IL1RAPL1: variants seen among roughly 807,000 people sequenced by gnomAD.
IL1RAPL1 encodes interleukin 1 receptor accessory protein like 1.
A neutral mutation model predicts 48.4 loss-of-function variants in IL1RAPL1; 3 were observed. The ratio of observed to expected loss-of-function variants is 0.06; its 90% CI spans 0.03 to 0.16. The LOEUF is 0.16. Ranked by LOEUF, IL1RAPL1 falls within the 10% of genes least tolerant of loss-of-function variation. The pLI is 1.00. For synonymous variants in IL1RAPL1, 185 were observed against 187.7 expected (o/e 0.99, Z 0.12); for missense variants, 349 against 530.6 (o/e 0.66, Z 3.36).
chrX:29,190,341 G>A (rs920256743), intron 2 of IL1RAPL1, among the ~76,000 whole-genome samples: 2 of 111,706 alleles, frequency 1.8e-5, no homozygotes, highest in Non-Finnish European at 3.8e-5. Context: ...ATGGGTATAA[G>A]AAAGATTAAG....
intron 5 of IL1RAPL1, among the ~76,000 whole-genome samples, chrX:29,611,739 A>T (rs1411956801): frequency 9.0e-6 from 1 of 111,148 alleles, no homozygotes; most frequent in Non-Finnish European, 1.9e-5. Flanking sequence ...TCCAGGAAGA[A>T]TCAGGTCAGA....
At chrX:29,184,618 G>A (rs748299381) in intron 2 of IL1RAPL1, among the ~76,000 whole-genome samples, 2 of 110,563 alleles carry the variant, frequency 1.8e-5, no homozygotes, top group Admixed American at 9.6e-5. Flanking sequence ...CTCCTGCCTC[G>A]GACTCCTGAG....
intron 6 of IL1RAPL1, among the ~76,000 whole-genome samples, chrX:29,723,381 T>C (rs996373276): frequency 1.4e-4 from 16 of 111,952 alleles, no homozygotes; most frequent in African/African-American, 4.9e-4. Flanking sequence ...CCCAAGTAGC[T>C]GGGATTACAG....
chrX:29,014,873 T>C (rs1926205274), intron 2 of IL1RAPL1, among the ~76,000 whole-genome samples: 1 of 111,697 alleles, frequency 9.0e-6, no homozygotes, highest in Admixed American at 9.6e-5. Context: ...GATTATGCTC[T>C]CATGAATATT....
intron 5 of IL1RAPL1, among the ~76,000 whole-genome samples, chrX:29,604,069 G>C (rs1014265238): frequency 8.9e-6 from 1 of 112,244 alleles, no homozygotes; most frequent in Non-Finnish European, 1.9e-5. Flanking sequence ...TAATTGCAGA[G>C]TATTGTACAG....
intron 3 of IL1RAPL1, among the ~76,000 whole-genome samples, chrX:29,328,606 CT>C (rs1344750151): frequency 9.7e-6 from 1 of 103,531 alleles, no homozygotes; most frequent in African/African-American, 3.6e-5. Flanking sequence ...GTAGTTTAGA[CT>C]AAAAATACAA....
chrX:29,919,727 TA>T (rs1340371023), intron 7 of IL1RAPL1, among the ~76,000 whole-genome samples: 2 of 112,339 alleles, frequency 1.8e-5, no homozygotes, highest in East Asian at 5.5e-4. Flanking sequence ...CTAAGGGAGA[TA>T]ATTAACTGCA....
At chrX:29,798,702 C>T (rs1000389791) in intron 6 of IL1RAPL1, among the ~76,000 whole-genome samples, 4 of 112,118 alleles carry the variant, frequency 3.6e-5, no homozygotes, top group Non-Finnish European at 7.5e-5. Context: ...CAATATAATG[C>T]TCTGCACAAA....
At chrX:29,173,310 G>A (rs1377636576) in intron 2 of IL1RAPL1, among the ~76,000 whole-genome samples, 1 of 111,920 alleles carries the variant, frequency 8.9e-6, no homozygotes, top group East Asian at 2.8e-4. Flanking sequence ...AGCTGTTTTA[G>A]GAATCTCCAC....
At chrX:29,048,681 A>G (rs1927028316) in intron 2 of IL1RAPL1, among the ~76,000 whole-genome samples, 1 of 112,431 alleles carries the variant, frequency 8.9e-6, no homozygotes, top group African/African-American at 3.2e-5. Flanking sequence ...GAAGTCATTC[A>G]CAAATACAAT....
chrX:29,058,549 TA>T (rs1264890613), intron 2 of IL1RAPL1, among the ~76,000 whole-genome samples: 1 of 112,200 alleles, frequency 8.9e-6, no homozygotes, highest in Non-Finnish European at 1.9e-5. Context: ...TATTTAGTAC[TA>T]AAAAAGTGAT....
chrX:28,721,668 C>G (rs1935582848), intron 1 of IL1RAPL1, among the ~76,000 whole-genome samples: 1 of 110,931 alleles, frequency 9.0e-6, no homozygotes, highest in South Asian at 3.7e-4. Context: ...AAGTCCTTGC[C>G]CGTGCCTATG....
At chrX:28,818,725 C>T (rs1240418756) in intron 2 of IL1RAPL1, among the ~76,000 whole-genome samples, 1 of 110,287 alleles carries the variant, frequency 9.1e-6, no homozygotes, top group Non-Finnish European at 1.9e-5. Context: ...TAAAAGGTCT[C>T]ATGAAATTTT....
At chrX:29,560,596 T>A (rs1371341056) in intron 5 of IL1RAPL1, among the ~76,000 whole-genome samples, 1 of 111,979 alleles carries the variant, frequency 8.9e-6, no homozygotes, top group Non-Finnish European at 1.9e-5. Flanking sequence ...GACTGTGTAA[T>A]TTCAAATAAT....
At chrX:28,602,694 A>G (rs1934041159) in intron 1 of IL1RAPL1, among the ~76,000 whole-genome samples, 1 of 112,216 alleles carries the variant, frequency 8.9e-6, no homozygotes, top group Non-Finnish European at 1.9e-5. Flanking sequence ...ATGTTTTGGT[A>G]GCAAAGATTC....
chrX:29,046,854 G>A (rs1926982946), intron 2 of IL1RAPL1, among the ~76,000 whole-genome samples: 1 of 112,267 alleles, frequency 8.9e-6, no homozygotes, highest in Non-Finnish European at 1.9e-5. Context: ...AGGCTTGAAT[G>A]GCTAAAGTGC....
intron 3 of IL1RAPL1, among the ~76,000 whole-genome samples, chrX:29,292,565 G>A (rs1251172329): frequency 8.9e-6 from 1 of 111,773 alleles, no homozygotes; most frequent in Non-Finnish European, 1.9e-5. Flanking sequence ...GATATATAAT[G>A]TCAGCATTAT....
chrX:29,085,170 T>C (rs1306546795), intron 2 of IL1RAPL1, among the ~76,000 whole-genome samples: 1 of 111,574 alleles, frequency 9.0e-6, no homozygotes, highest in Non-Finnish European at 1.9e-5. Flanking sequence ...AACAAATATA[T>C]AATAAAGTAT....
intron 2 of IL1RAPL1, among the ~76,000 whole-genome samples, chrX:29,164,060 CTGAAATGTT>C (rs1929738695): frequency 1.8e-5 from 2 of 111,710 alleles, no homozygotes; most frequent in African/African-American, 3.2e-5. Context: ...ATACAAATCT[CTGAAATGTT>C]TGAAGCATAA....
Sources: allele counts gnomAD v4.1 joint callset (sites outside exome capture counted in the v4.1 genomes callset), GRCh38; gene constraint gnomAD v4.1.1; transcripts MANE v1.5; gene names NCBI Gene and HGNC (gene_info 2026-07-23, HGNC 2026-07-21).